The following GLIS3 variants were observed in gnomAD, a reference collection of about 807,000 sequenced individuals.
GLIS3 encodes the protein GLIS family zinc finger 3.
GLIS3 carries 53 observed loss-of-function variants against 78.6 expected under a neutral mutation model. The ratio of observed to expected loss-of-function variants is 0.67; its 90% confidence interval spans 0.54 to 0.85. GLIS3 has a LOEUF of 0.85. Among genes scored for constraint, GLIS3 ranks in the 40% least tolerant of loss-of-function variants. The pLI, the probability that GLIS3 is intolerant of heterozygous loss-of-function variation, is 0.00. For synonymous variants in GLIS3, 684 were observed against 509.9 expected (o/e 1.34, Z -4.60); for missense variants, 1,703 against 1,231.1 (o/e 1.38, Z -5.74).
At chr9:4,142,780 C>G (rs1368431907) in intron 2 of GLIS3, among the ~76,000 whole-genome samples, 2 of 152,174 alleles carry the variant, frequency 1.3e-5, no homozygotes, top group Non-Finnish European at 2.9e-5. Context: ...CAAGCTCATA[C>G]TAACTCCAAA....
At chr9:4,124,374 T>C (rs758145023) in intron 3 of GLIS3, among the ~76,000 whole-genome samples, 21 of 152,198 alleles carry the variant, frequency 1.4e-4, no homozygotes, top group Non-Finnish European at 1.9e-4. Flanking sequence ...ATAAGATACA[T>C]GGCTTAAGCA....
At chr9:4,245,924 ATTT>A (rs1563822741) in intron 2 of GLIS3, among the ~76,000 whole-genome samples, 1 of 152,058 alleles carries the variant, frequency 6.6e-6, no homozygotes, top group African/African-American at 2.4e-5. Flanking sequence ...TCCGGTATTT[ATTT>A]TTATTTTTTC....
the GLIS3 span, among the ~76,000 whole-genome samples, chr9:4,465,565 G>A: frequency 5.1e-4 from 78 of 152,140 alleles, 1 homozygote; most frequent in East Asian, 0.013. Flanking sequence ...ATATAAAAAA[G>A]AAAAGATAAT....
chr9:4,394,453 C>G, the GLIS3 span, among the ~76,000 whole-genome samples: 1 of 152,014 alleles, frequency 6.6e-6, no homozygotes, highest in Non-Finnish European at 1.5e-5. Flanking sequence ...ATCTGTGCAT[C>G]AAATATAGAA....
At chr9:4,459,494 T>C in the GLIS3 span, among the ~76,000 whole-genome samples, 75 of 152,332 alleles carry the variant, frequency 4.9e-4, no homozygotes, top group East Asian at 0.012. Flanking sequence ...CCAAGAGCAA[T>C]GGCTTGTGCC....
At chr9:4,403,503 A>T in the GLIS3 span, among the ~76,000 whole-genome samples, 1 of 152,196 alleles carries the variant, frequency 6.6e-6, no homozygotes, top group Non-Finnish European at 1.5e-5. Flanking sequence ...TAACTACAAC[A>T]ACTTTTCAAG....
the GLIS3 span, among the ~76,000 whole-genome samples, chr9:4,384,511 CCTTCCTTCTTTT>C: frequency 1.3e-5 from 2 of 149,356 alleles, no homozygotes; most frequent in African/African-American, 4.9e-5. Context: ...TCCCTCCCTT[CCTTCCTTCTTTT>C]CTTCCTTACT....
At chr9:4,011,428 G>C (rs557171249) in intron 4 of GLIS3, among the ~76,000 whole-genome samples, 4 of 152,190 alleles carry the variant, frequency 2.6e-5, no homozygotes, top group African/African-American at 4.8e-5. Flanking sequence ...CGAGGCACTC[G>C]GCATTCAGTG....
intron 1 of GLIS3, 135 bp from the exon 2 acceptor site, chr9:4,286,658 G>C (rs1057429814): frequency 3.8e-5 from 22 of 582,600 alleles, no homozygotes; most frequent in African/African-American, 1.3e-4. Context: ...TGTAGAAAAG[G>C]GTCCTCAAAT....
At chr9:4,420,781 T>C in the GLIS3 span, among the ~76,000 whole-genome samples, 1 of 152,186 alleles carries the variant, frequency 6.6e-6, no homozygotes, top group East Asian at 1.9e-4. Flanking sequence ...AGGTTGAGTA[T>C]ATAACATAGA....
At chr9:4,287,317 T>A (rs548671345) in intron 1 of GLIS3, among the ~76,000 whole-genome samples, 32 of 152,192 alleles carry the variant, frequency 2.1e-4, no homozygotes, top group African/African-American at 7.7e-4. Context: ...ATTCAGTAAA[T>A]CTACCATAGT....
At chr9:4,327,037 C>G (rs1817610840) in intron 2 of GLIS3, among the ~76,000 whole-genome samples, 1 of 152,172 alleles carries the variant, frequency 6.6e-6, no homozygotes, top group South Asian at 2.1e-4. Flanking sequence ...GGTAGACAGA[C>G]ATGAAACAAG....
the GLIS3 span, among the ~76,000 whole-genome samples, chr9:4,421,855 A>T: frequency 2.6e-5 from 4 of 152,248 alleles, no homozygotes; most frequent in African/African-American, 9.6e-5. Context: ...CCTAGGATTC[A>T]GGGATGCCCC....
chr9:4,176,866 C>T (rs574496397), intron 2 of GLIS3, among the ~76,000 whole-genome samples: 5 of 152,372 alleles, frequency 3.3e-5, no homozygotes, highest in African/African-American at 1.2e-4. Flanking sequence ...TCAGGTGATC[C>T]GCCCGCCTTG....
chr9:3,937,064 A>C lies in GLIS3; in HGVS notation c.1836T>G (p.Ser612Arg). The part of the protein sequence containing the change: ...PGCQKAFSNS[S>R]DRAKHQRTHL... ...GCGTCCGCTGGTGTTTGGCGCGGTC[A>C]CTGGAGTTACTGAAGGCCTTCTGAC... The change falls in exon 5 of 11, where the codon AGT becomes AGG. Residue 612 changes from serine to arginine, a missense_variant. Coordinates refer to ENST00000381971, the MANE Select transcript of GLIS3 (RefSeq NM_001042413.2). The C allele has an allele frequency of 1.2e-6, 2 of 1,613,538 alleles. No individual in the cohort carries two copies. Among genetic ancestry groups the C allele is most frequent in the Non-Finnish European group, 1.7e-6 (2 of 1,180,016 alleles).
chr9:3,838,405 C>T (rs970943442), intron 9 of GLIS3, among the ~76,000 whole-genome samples: 2 of 152,128 alleles, frequency 1.3e-5, no homozygotes, highest in African/African-American at 4.8e-5. Context: ...CACTTTCTTC[C>T]TGCTGAGAAG....
chr9:3,828,540 T>C (rs1817856115), intron 10 of GLIS3, 132 bp from the exon 11 acceptor site: 3 of 1,133,048 alleles, frequency 2.6e-6, no homozygotes, highest in Non-Finnish European at 3.9e-6. Flanking sequence ...GCCTGGGCCC[T>C]ATAGTGAGTC....
At chr9:4,186,407 A>G (rs1480215699) in intron 2 of GLIS3, among the ~76,000 whole-genome samples, 3 of 151,960 alleles carry the variant, frequency 2.0e-5, no homozygotes, top group Admixed American at 6.6e-5. Context: ...ATTGTTGGAC[A>G]TTTGGGTTGG....
chr9:4,229,414 A>G (rs1343547787), intron 2 of GLIS3, among the ~76,000 whole-genome samples: 2 of 152,260 alleles, frequency 1.3e-5, no homozygotes, highest in African/African-American at 4.8e-5. Context: ...GGTTAGCATG[A>G]CCAGAGTTCT....
Sources: allele counts gnomAD v4.1 joint callset (sites outside exome capture counted in the v4.1 genomes callset), GRCh38; gene constraint gnomAD v4.1.1; transcripts MANE v1.5; gene names NCBI Gene and HGNC (gene_info 2026-07-23, HGNC 2026-07-21).